The following RLF variants were observed in gnomAD, a reference collection of about 807,000 sequenced individuals.
The protein encoded by RLF is zinc finger protein Rlf.
Under a neutral mutation model 162.9 loss-of-function variants are expected in RLF, and 7 were observed. That is an observed-to-expected ratio of 0.04 (90% CI 0.02 to 0.08). The LOEUF (loss-of-function observed/expected upper bound fraction) is 0.08. Among genes scored for constraint, RLF ranks in the 10% least tolerant of loss-of-function variants. The probability of loss-of-function intolerance (pLI) is 1.00; values close to 1 mark genes in which losing one functional copy is unlikely to be tolerated. For synonymous variants in RLF, 782 were observed against 791.5 expected (o/e 0.99, Z 0.20); for missense variants, 1,664 against 2,244.7 (o/e 0.74, Z 5.23).
chr1:40,164,175 C>T (rs1375959051), intron 1 of RLF, among the ~76,000 whole-genome samples: 1 of 152,050 alleles, frequency 6.6e-6, no homozygotes, highest in Non-Finnish European at 1.5e-5. Context: ...AGGTCTGACC[C>T]CTGCTTATGG....
intron 1 of RLF, among the ~76,000 whole-genome samples, chr1:40,173,518 T>G (rs1642275692): frequency 6.6e-6 from 1 of 151,842 alleles, no homozygotes; most frequent in Admixed American, 6.6e-5. Flanking sequence ...CATGTAATTT[T>G]TTTTTTTTTT....
At chr1:40,166,536 T>G (rs188686423) in intron 1 of RLF, among the ~76,000 whole-genome samples, 2 of 152,108 alleles carry the variant, frequency 1.3e-5, no homozygotes, top group South Asian at 2.1e-4. Context: ...ATCATGCTGC[T>G]TTAAGGACAC....
chr1:40,168,220 A>G (rs1642192695), intron 1 of RLF, among the ~76,000 whole-genome samples: 1 of 152,088 alleles, frequency 6.6e-6, no homozygotes, highest in Admixed American at 6.5e-5. Flanking sequence ...GTCTCAATAA[A>G]TAAATAAATA....
chr1:40,199,294 CAA>C (rs1180463870), intron 4 of RLF, among the ~76,000 whole-genome samples: 1 of 152,176 alleles, frequency 6.6e-6, no homozygotes, highest in African/African-American at 2.4e-5. Flanking sequence ...CAAAGGCTAA[CAA>C]GACATGATAT....
rs72670614 is a variant in RLF at position 40,171,251 on chromosome 1, A to C, written c.237+9615A>C. ...ACTGTATTGCCCAGGCTGGTCTTCA[A>C]CTTGAGGCCTTAAGTGATCCTCCCA... On this transcript the variant is annotated intron_variant, in intron 1 of 7. Transcript: ENST00000372771. Among the ~76,000 whole-genome samples the C allele has an allele frequency of 5.0e-3, 755 of 152,186 alleles. 5 individuals are homozygous for C. The highest frequency in any genetic ancestry group is 0.014 in the Middle Eastern group (4 of 294).
intron 1 of RLF, among the ~76,000 whole-genome samples, chr1:40,169,081 A>G (rs1642204727): frequency 6.6e-6 from 1 of 152,218 alleles, no homozygotes; most frequent in Non-Finnish European, 1.5e-5. Flanking sequence ...AATCCATTAT[A>G]TGAAAAATTT....
Position 40,192,916 on chromosome 1 carries a change from T to G in RLF, c.474+2063T>G, listed in dbSNP as rs1642578226. On this transcript the variant is annotated intron_variant, in intron 3 of 7. Transcript: ENST00000372771. Reference sequence around the variant, plus strand: ...AAAATATACACTCTGCAAATGATTTTTTAATGAAAAATGACAGCCTATTTT... The same window carrying G: ...AAAATATACACTCTGCAAATGATTTGTTAATGAAAAATGACAGCCTATTTT... 2.0e-5 allele frequency among the ~76,000 whole-genome samples: 3 copies of G among 152,200 alleles called. 1 individual carries two copies. The highest frequency in any genetic ancestry group is 4.1e-4 in the South Asian group (2 of 4,834).
intron 3 of RLF, among the ~76,000 whole-genome samples, chr1:40,194,577 C>G (rs1284481429): frequency 2.0e-5 from 3 of 150,542 alleles, no homozygotes; most frequent in African/African-American, 7.3e-5. Flanking sequence ...AAGAGCAAAA[C>G]TCCATCTCCA....
intron 4 of RLF, among the ~76,000 whole-genome samples, chr1:40,198,352 T>C (rs1642666581): frequency 6.7e-6 from 1 of 148,156 alleles, no homozygotes; most frequent in Non-Finnish European, 1.5e-5. Flanking sequence ...TTGCCCAGGC[T>C]GGAGTGCAAT....
rs895455745 is a variant in RLF, at chr1:40,221,899, C to CAAAAAAAAAAAAAAAA, written c.811-671_811-656dup. Reference sequence around the variant, plus strand: ...TGGGCGACACAGCGAGACTCCGTCTCAAAAAAAAAAAAAAAAAAAGAGAAA... The same window carrying CAAAAAAAAAAAAAAAA: ...TGGGCGACACAGCGAGACTCCGTCTCAAAAAAAAAAAAAAAAAAAAAAAAAAAAAAAAAAAGAGAAA... On this transcript the variant is annotated intron_variant, in intron 5 of 7. Coordinates refer to ENST00000372771, the MANE Select transcript of RLF (RefSeq NM_012421.4). Among the ~76,000 whole-genome samples the CAAAAAAAAAAAAAAAA allele has an allele frequency of 5.1e-4, 33 of 65,004 alleles. 1 individual carries two copies. The highest frequency in any genetic ancestry group is 2.1e-3 in the South Asian group (3 of 1,406). 42.6% of individuals were successfully genotyped at this position (65,004 alleles called of 152,430 possible).
intron 5 of RLF, among the ~76,000 whole-genome samples, chr1:40,212,688 G>A (rs1195642451): frequency 1.3e-5 from 2 of 152,168 alleles, no homozygotes; most frequent in Admixed American, 6.5e-5. Context: ...GGTATCTGAC[G>A]TGGTTGATAG....
At chr1:40,223,939 C>T (rs1396027050) in intron 6 of RLF, among the ~76,000 whole-genome samples, 2 of 152,214 alleles carry the variant, frequency 1.3e-5, no homozygotes, top group African/African-American at 2.4e-5. Flanking sequence ...TCCACTATGC[C>T]AGAGTTATAC....
In RLF at chr1:40,195,856, A is replaced by G. The variant is rs1356493890; in HGVS notation, c.607+92A>G. 7 of 1,105,138 alleles carry G rather than the reference A, an allele frequency of 6.3e-6. No individual in the cohort carries two copies. In the South Asian group the frequency reaches 8.3e-5, roughly 13 times the overall value. The allele number at this position is 1,105,138 out of a possible 1,614,324, so 68.5% of individuals were successfully genotyped here. On this transcript the variant is annotated intron_variant, in intron 4 of 7. Coordinates refer to ENST00000372771, the MANE Select transcript of RLF (RefSeq NM_012421.4). ...AATTTTGGGAATTTAACTTGTGTAT[A>G]TATCTAGTCTTTCTGTTTTTACTTT...
chr1:40,174,981 C>G (rs1261221792), intron 1 of RLF, among the ~76,000 whole-genome samples: 1 of 152,014 alleles, frequency 6.6e-6, no homozygotes, highest in African/African-American at 2.4e-5. Context: ...GGGAGGATCT[C>G]TTGAAGCCAG....
chr1:40,227,178 T>G (rs777803943), intron 6 of RLF, among the ~76,000 whole-genome samples: 2 of 152,204 alleles, frequency 1.3e-5, no homozygotes, highest in Non-Finnish European at 2.9e-5. Flanking sequence ...AAAATGTGCT[T>G]CTTGCTGTTA....
intron 1 of RLF, among the ~76,000 whole-genome samples, chr1:40,171,977 A>C (rs1642251626): frequency 6.6e-6 from 1 of 152,154 alleles, no homozygotes; most frequent in Admixed American, 6.5e-5. Flanking sequence ...TACTATTTTT[A>C]GAAAAGGTTT....
At chr1:40,184,800 A>ATAG (rs1642451633) in intron 1 of RLF, among the ~76,000 whole-genome samples, 1 of 152,198 alleles carries the variant, frequency 6.6e-6, no homozygotes, top group Admixed American at 6.5e-5. Context: ...ACAGTACAAA[A>ATAG]TAGTAGGTAT....
chr1:40,175,509 C>T (rs757396886), intron 1 of RLF, among the ~76,000 whole-genome samples: 6 of 151,834 alleles, frequency 4.0e-5, no homozygotes, highest in African/African-American at 7.3e-5. Flanking sequence ...ATTAGCTGGG[C>T]GTGGTGGCAG....
intron 7 of RLF, among the ~76,000 whole-genome samples, chr1:40,232,123 G>A (rs1049277586): frequency 6.6e-6 from 1 of 151,824 alleles, no homozygotes; most frequent in South Asian, 2.1e-4. Context: ...CAGGAGAATC[G>A]CTTGAACAGG....
Sources: gnomAD v4.1 joint callset for allele counts (sites outside exome capture counted in the v4.1 genomes callset) on GRCh38, gnomAD v4.1.1 for gene constraint, MANE v1.5 for transcripts, NCBI Gene and HGNC (gene_info 2026-07-23, HGNC 2026-07-21) for gene names.